Variants in CADPS observed in about 807,000 individuals in gnomAD.
CADPS encodes the protein calcium-dependent secretion activator 1.
A neutral mutation model predicts 167.3 loss-of-function variants in CADPS; 57 were observed. The ratio of observed to expected loss-of-function variants is 0.34; its 90% CI spans 0.28 to 0.42. The LOEUF is 0.42. CADPS is among the 20% of genes least tolerant of loss of function. The pLI, the probability that CADPS is intolerant of heterozygous loss-of-function variation, is 1.00. For synonymous variants in CADPS, 676 were observed against 635.3 expected (o/e 1.06, Z -0.96); for missense variants, 1,414 against 1,738.1 (o/e 0.81, Z 3.32).
chr3:62,465,590 C>T lies in CADPS; in HGVS notation c.3553-140G>A, dbSNP rs927111998. 10 of 539,982 alleles carry T rather than the reference C, an allele frequency of 1.9e-5. No homozygotes were observed. Among genetic ancestry groups the T allele is most frequent in the East Asian group, 5.8e-5 (2 of 34,756 alleles). 33.4% of individuals were successfully genotyped at this position (539,982 alleles called of 1,614,324 possible). A position where few individuals can be genotyped will look rare whatever the true frequency, so the allele number is the denominator to read the frequency against. Reference sequence around the variant, plus strand: ...CAGTCTATTATTTGATTCCCGCCTTCGGAGAAAGGAATAGACTGCCTTTAC... The same window carrying T: ...CAGTCTATTATTTGATTCCCGCCTTTGGAGAAAGGAATAGACTGCCTTTAC... On this transcript the variant is annotated intron_variant, in intron 25 of 29. Transcript: ENST00000383710. This position sits in a 1 kb window ranked among gnomAD's most constrained non-coding sequence, Gnocchi z 4.1.
intron 13 of CADPS, among the ~76,000 whole-genome samples, chr3:62,532,063 C>G (rs1470939306): frequency 6.6e-6 from 1 of 152,174 alleles, no homozygotes; most frequent in Non-Finnish European, 1.5e-5. Context: ...TTATCATCAT[C>G]TTTGCCTTCC....
chr3:62,675,912 G>C (rs925313302), intron 3 of CADPS, among the ~76,000 whole-genome samples: 7 of 152,036 alleles, frequency 4.6e-5, no homozygotes, highest in African/African-American at 1.4e-4. Context: ...ACATTCTGTA[G>C]TGATTATGGC....
In CADPS at chr3:62,412,262, T is replaced by G. The variant is rs969772014; in HGVS notation, c.3778-9077A>C. Among the ~76,000 whole-genome samples the G allele has an allele frequency of 1.3e-5, 2 of 151,668 alleles. No individual in the cohort carries two copies. The highest frequency in any genetic ancestry group is 6.6e-5 in the Admixed American group (1 of 15,194). On this transcript the variant is annotated intron_variant, in intron 28 of 29. Transcript: ENST00000383710. The surrounding 1 kb of genome is among the most constrained non-coding windows in gnomAD (Gnocchi z 4.1). ...TTTTCAGGATGGCCGGGTCCTAAAG[T>G]TTGGACGGCAGCTCCCTGAGGACTC...
chr3:62,837,860 G>A (rs891214006), intron 1 of CADPS, among the ~76,000 whole-genome samples: 4 of 152,080 alleles, frequency 2.6e-5, no homozygotes, highest in Admixed American at 2.0e-4. Flanking sequence ...AAGACATAAT[G>A]CATGCAAGTC....
At chr3:62,682,405 C>A (rs1337428092) in intron 3 of CADPS, among the ~76,000 whole-genome samples, 1 of 152,058 alleles carries the variant, frequency 6.6e-6, no homozygotes, top group Non-Finnish European at 1.5e-5. Context: ...ACTAGAGATG[C>A]TAACTACTCA....
intron 1 of CADPS, among the ~76,000 whole-genome samples, chr3:62,769,729 A>C (rs941281601): frequency 2.0e-5 from 3 of 152,094 alleles, no homozygotes; most frequent in Non-Finnish European, 1.5e-5. Context: ...TTATTTATTT[A>C]AACTCAAGTG....
intron 3 of CADPS, among the ~76,000 whole-genome samples, chr3:62,718,346 T>G (rs367647852): frequency 7.9e-5 from 12 of 152,242 alleles, no homozygotes; most frequent in African/African-American, 2.9e-4. Context: ...GAGAGACCAC[T>G]ATGAACCAGG....
intron 24 of CADPS, among the ~76,000 whole-genome samples, chr3:62,473,432 G>C (rs2060867190): frequency 6.6e-6 from 1 of 152,210 alleles, no homozygotes; most frequent in African/African-American, 2.4e-5. Context: ...AGCAATTTAT[G>C]CCAATTGGCA....
chr3:62,522,896 C>T (rs1014876274), intron 13 of CADPS, among the ~76,000 whole-genome samples: 1 of 152,178 alleles, frequency 6.6e-6, no homozygotes, highest in African/African-American at 2.4e-5. Flanking sequence ...GAAGCTCTCC[C>T]ACCTGCGGGC....
chr3:62,723,670 G>T (rs2076214477), intron 3 of CADPS, among the ~76,000 whole-genome samples: 1 of 152,192 alleles, frequency 6.6e-6, no homozygotes, highest in South Asian at 2.1e-4. Context: ...AGTTTGGCTT[G>T]GGAATTATTG....
chr3:62,621,160 G>A lies in CADPS; in HGVS notation c.1325+24562C>T, dbSNP rs189714539. 1.8e-3 allele frequency among the ~76,000 whole-genome samples: 275 copies of A among 152,272 alleles called. 1 individual carries two copies. The highest frequency in any genetic ancestry group is 5.9e-3 in the African/African-American group (244 of 41,558). ...ACAAATCTCTGGATATGGGGGCACC[G>A]CAGATTGCTCTGTGAAGTGAACTTT... On this transcript the variant is annotated intron_variant, in intron 6 of 29. Transcript: ENST00000383710.
intron 6 of CADPS, among the ~76,000 whole-genome samples, chr3:62,638,320 T>C (rs1238315799): frequency 6.6e-6 from 1 of 152,058 alleles, no homozygotes; most frequent in African/African-American, 2.4e-5. Context: ...CATTCTATCA[T>C]TACAGGGAAA....
At chr3:62,695,996 C>T (rs1300761783) in intron 3 of CADPS, among the ~76,000 whole-genome samples, 2 of 152,244 alleles carry the variant, frequency 1.3e-5, no homozygotes, top group African/African-American at 4.8e-5. Context: ...ATTTGTATGT[C>T]TTTTCTTCGA....
chr3:62,686,566 T>C (rs1325427153), intron 3 of CADPS, among the ~76,000 whole-genome samples: 2 of 152,060 alleles, frequency 1.3e-5, no homozygotes, highest in East Asian at 1.9e-4. Context: ...GATAAAAATA[T>C]TGTCAATCTG....
At chr3:62,550,164 C>A in intron 10 of CADPS, 49 bp from the exon 11 acceptor site, 1 of 1,445,474 alleles carries the variant, frequency 6.9e-7, no homozygotes, top group Non-Finnish European at 9.7e-7. Context: ...CTGTGATGTT[C>A]TCAACTGGAC....
At chr3:62,625,741 T>A (rs188025990) in intron 6 of CADPS, 5 of 151,140 alleles carry the variant, frequency 3.3e-5, no homozygotes, top group African/African-American at 1.2e-4. Flanking sequence ...TGCCACCCTT[T>A]CTGTACTTGC....
chr3:62,598,926 T>C (rs908900802), intron 6 of CADPS, among the ~76,000 whole-genome samples: 10 of 152,260 alleles, frequency 6.6e-5, no homozygotes, highest in Admixed American at 5.9e-4. Context: ...ACGTGTTCAA[T>C]ATACTTCACA....
chr3:62,677,993 C>G (rs1182959136), intron 3 of CADPS, among the ~76,000 whole-genome samples: 1 of 152,098 alleles, frequency 6.6e-6, no homozygotes, highest in Non-Finnish European at 1.5e-5. Context: ...CAACTGGGGT[C>G]TTGCTGACCC....
At chr3:62,765,839 G>A in intron 2 of CADPS, 32 bp downstream of exon 2, 1 of 1,449,606 alleles carries the variant, frequency 6.9e-7, no homozygotes. Context: ...GGCTTGAGTG[G>A]TCTTGGCATT....
Sources: gnomAD v4.1 joint callset for allele counts (sites outside exome capture counted in the v4.1 genomes callset) on GRCh38, gnomAD v4.1.1 for gene constraint, Gnocchi (gnomAD v3.1) non-coding constraint, MANE v1.5 for transcripts, NCBI Gene and HGNC (gene_info 2026-07-23, HGNC 2026-07-21) for gene names.